The following COL20A1 variants were observed in gnomAD, a reference collection of about 807,000 sequenced individuals.
COL20A1 encodes the protein collagen alpha-1(XX) chain.
A neutral mutation model predicts 152.9 loss-of-function variants in COL20A1; 164 were observed. That is an observed-to-expected ratio of 1.07 (90% CI 0.94 to 1.22). The LOEUF (loss-of-function observed/expected upper bound fraction) is 1.22, where lower values mean the gene tolerates loss of function less well. Among genes scored for constraint, COL20A1 ranks in the 50% most tolerant of loss-of-function variants. The pLI is 0.00. For synonymous variants in COL20A1, 864 were observed against 756.0 expected (o/e 1.14, Z -2.34); for missense variants, 1,873 against 1,744.8 (o/e 1.07, Z -1.31).
At position 63,306,542 on chromosome 20, in the gene COL20A1, A is replaced by T. The variant is rs142536301; in HGVS notation, c.496+503A>T. ...TGGGTCATGCTCCCCCAGGAGTGGG[A>T]TCAGGAGCAGAGCTGGTCCGGGGGC... On this transcript the variant is annotated intron_variant, in intron 5 of 35. Transcript: ENST00000358894. This position sits in a 1 kb window ranked among gnomAD's most constrained non-coding sequence, Gnocchi z 6.9. Among the ~76,000 whole-genome samples, 635 of 152,092 alleles carry T rather than the reference A, an allele frequency of 4.2e-3. 7 individuals carry two copies. Among genetic ancestry groups the T allele is most frequent in the African/African-American group, 0.014 (595 of 41,496 alleles).
chr20:63,321,331 C>T (rs1568785168), intron 26 of COL20A1, among the ~76,000 whole-genome samples: 1 of 152,210 alleles, frequency 6.6e-6, no homozygotes, highest in Non-Finnish European at 1.5e-5. Flanking sequence ...GCGAACCCTC[C>T]TCTAGTGCGG....
At position 63,315,442 on chromosome 20, in the gene COL20A1, G is replaced by T. The variant is rs2123412164; in HGVS notation, c.2524+3G>T. On this transcript the variant is annotated splice_donor_region_variant and intron_variant, in intron 20 of 35. Transcript: ENST00000358894. ...CCGCCCTGACGGCTCCCTCCCAGGTGGGTCCTGCATGCCCTCCCCTGCCTG... is the reference window on the plus strand; with the variant it reads ...CCGCCCTGACGGCTCCCTCCCAGGTTGGTCCTGCATGCCCTCCCCTGCCTG... The T allele has an allele frequency of 6.4e-7, 1 of 1,573,080 alleles. No homozygotes were observed. The highest frequency in any genetic ancestry group is 8.6e-7 in the Non-Finnish European group (1 of 1,164,392).
chr20:63,294,473 C>G (rs975565517), intron 1 of COL20A1, among the ~76,000 whole-genome samples: 2 of 151,996 alleles, frequency 1.3e-5, no homozygotes, highest in Non-Finnish European at 2.9e-5. Flanking sequence ...TTGTAGCCCA[C>G]TCAGCTCTCC....
intron 2 of COL20A1, among the ~76,000 whole-genome samples, chr20:63,296,527 C>T (rs1273071787): frequency 6.6e-6 from 1 of 152,226 alleles, no homozygotes; most frequent in Non-Finnish European, 1.5e-5. Context: ...TGGGTGCGGC[C>T]ACAGTCCAGG....
chr20:63,320,873 CCT>C, intron 25 of COL20A1, 138 bp from the exon 26 acceptor site: 1 of 653,942 alleles, frequency 1.5e-6, no homozygotes, highest in Non-Finnish European at 2.6e-6. Flanking sequence ...CACTTGGGCC[CCT>C]GACCTTCGCC....
chr20:63,320,335 C>G lies in COL20A1; in HGVS notation c.3120C>G (p.Ala1040=). 3 of 1,611,260 alleles carry G rather than the reference C, an allele frequency of 1.9e-6. No individual in the cohort carries two copies. Among genetic ancestry groups the G allele is most frequent in the Non-Finnish European group, 2.5e-6 (3 of 1,179,852 alleles). The change falls in exon 25 of 36, where the codon GCC becomes GCG. Residue 1040 remains alanine (A), a synonymous_variant. Coordinates refer to ENST00000358894, the MANE Select transcript of COL20A1 (RefSeq NM_020882.4). Reference sequence around the variant, plus strand: ...AGATCGTGTGCAGTGACACCTGGGCCGATGAGGACCGGTGCTGTGAGCTCC... The same window carrying G: ...AGATCGTGTGCAGTGACACCTGGGCGGATGAGGACCGGTGCTGTGAGCTCC... ...MLQIVCSDTW[A]DEDRCCELPA...
intron 3 of COL20A1, among the ~76,000 whole-genome samples, chr20:63,300,555 G>A (rs970340318): frequency 1.3e-5 from 2 of 152,146 alleles, no homozygotes; most frequent in Non-Finnish European, 1.5e-5. Flanking sequence ...TTTCATTCCC[G>A]TTATTGATTG....
chr20:63,330,285 CAG>C (rs930224408), intron 35 of COL20A1, among the ~76,000 whole-genome samples: 5 of 152,130 alleles, frequency 3.3e-5, no homozygotes, highest in African/African-American at 1.2e-4. Flanking sequence ...CAAGTAGCTT[CAG>C]GGGCCAGAGC....
In COL20A1 at chr20:63,323,979, A is replaced by G. The variant is rs116435753; in HGVS notation, c.3295-1462A>G. Among the ~76,000 whole-genome samples, 803 of 152,386 alleles carry G rather than the reference A, an allele frequency of 5.3e-3. 12 individuals are homozygous for G. The highest frequency in any genetic ancestry group is 0.018 in the African/African-American group (759 of 41,596). ...TTCATGATGTTGAATCTTCTCATCCAAAAACACAGCCATCCTGCCTTTTGT... is the reference window on the plus strand; with the variant it reads ...TTCATGATGTTGAATCTTCTCATCCGAAAACACAGCCATCCTGCCTTTTGT... On this transcript the variant is annotated intron_variant, in intron 27 of 35. Transcript: ENST00000358894.
At position 63,305,001 on chromosome 20, in the gene COL20A1, G is replaced by A. The variant is rs754971780; in HGVS notation, c.194-416G>A. Among the ~76,000 whole-genome samples the A allele has an allele frequency of 2.4e-4, 36 of 152,120 alleles. No homozygotes were observed. The highest frequency in any genetic ancestry group is 7.2e-4 in the Admixed American group (11 of 15,276). ...CAGCAGAAAATACTTGCGGCTGGTC[G>A]GTCCGTGCAGCCCATAGGGTAGGAG... On this transcript the variant is annotated intron_variant, in intron 3 of 35. Transcript: ENST00000358894. The surrounding 1 kb of genome is among the most constrained non-coding windows in gnomAD (Gnocchi z 4.9).
At chr20:63,295,327 A>G in intron 2 of COL20A1, 138 bp downstream of exon 2, 2 of 623,854 alleles carry the variant, frequency 3.2e-6, no homozygotes, top group Non-Finnish European at 5.7e-6. Flanking sequence ...AGCAGCTCCC[A>G]CAACAAAGGC....
At chr20:63,295,847 G>A (rs2067786453) in intron 2 of COL20A1, among the ~76,000 whole-genome samples, 1 of 152,276 alleles carries the variant, frequency 6.6e-6, no homozygotes, top group Admixed American at 6.5e-5. Context: ...AGGCTCCGGG[G>A]CCTCGGCCAC....
At chr20:63,320,240 G>A in intron 24 of COL20A1, 43 bp downstream of exon 24, 5 of 1,604,024 alleles carry the variant, frequency 3.1e-6, no homozygotes, top group Non-Finnish European at 3.4e-6. Context: ...GCTGGTGGGG[G>A]CTGGCAGCCT....
At chr20:63,321,992 C>T (rs2068171059) in intron 26 of COL20A1, 66 bp from the exon 27 acceptor site, 2 of 1,356,724 alleles carry the variant, frequency 1.5e-6, no homozygotes, top group Non-Finnish European at 2.0e-6. Context: ...GGCTCAGGGG[C>T]TGGTCTTTGC....
At chr20:63,310,246 G>T in intron 10 of COL20A1, 135 bp from the exon 11 acceptor site, 1 of 914,996 alleles carries the variant, frequency 1.1e-6, no homozygotes. Flanking sequence ...TAGGTACAGG[G>T]AGCCCAGGCC....
At position 63,319,455 on chromosome 20, in the gene COL20A1, C is replaced by T. The variant is rs763875307; in HGVS notation, c.2807-32C>T. ...GGTATAGGCCCGGCTGGTTGCAGCCCGTTCTCACCTGCTCCACCCCTTCCC... is the reference window on the plus strand; with the variant it reads ...GGTATAGGCCCGGCTGGTTGCAGCCTGTTCTCACCTGCTCCACCCCTTCCC... On this transcript the variant is annotated intron_variant, in intron 22 of 35. Coordinates refer to ENST00000358894, the MANE Select transcript of COL20A1 (RefSeq NM_020882.4). This position sits in a 1 kb window ranked among gnomAD's most constrained non-coding sequence, Gnocchi z 4.4. The T allele has an allele frequency of 4.2e-5, 62 of 1,493,888 alleles. No homozygotes were observed. Among genetic ancestry groups the T allele is most frequent in the South Asian group, 3.1e-4 (26 of 82,638 alleles). 92.5% of individuals were successfully genotyped at this position (1,493,888 alleles called of 1,614,324 possible).
chr20:63,306,058 AGAGT>A lies in COL20A1; in HGVS notation c.496+20_496+23del. On this transcript the variant is annotated intron_variant, in intron 5 of 35. Coordinates refer to ENST00000358894, the MANE Select transcript of COL20A1 (RefSeq NM_020882.4). This position sits in a 1 kb window ranked among gnomAD's most constrained non-coding sequence, Gnocchi z 6.9. ...ACTCCTGGTGGGTCAGAGTGGAGAGAGAGTAAGTCTCCGGGGAGGGAGTGACCTT... is the reference window on the plus strand; with the variant it reads ...ACTCCTGGTGGGTCAGAGTGGAGAGAAAGTCTCCGGGGAGGGAGTGACCTT... 6.4e-7 allele frequency: 1 copy of A among 1,574,004 alleles called. No homozygotes were observed. The highest frequency in any genetic ancestry group is 8.6e-7 in the Non-Finnish European group (1 of 1,161,876).
rs377608737 is a variant in COL20A1 at position 63,309,557 on chromosome 20, TG to T, written c.1105+66del. 61 of 1,414,904 alleles carry T rather than the reference TG, an allele frequency of 4.3e-5. 1 individual carries two copies. The highest frequency in any genetic ancestry group is 3.6e-4 in the South Asian group (24 of 67,596). 87.6% of individuals were successfully genotyped at this position (1,414,904 alleles called of 1,614,324 possible). A position where few individuals can be genotyped will look rare whatever the true frequency, so the allele number is the denominator to read the frequency against. ...CCCCCGGCTGCTTTGGGCAAAGGGT[TG>T]GGGGGACGCTGTGGCTCCCGTGTGG... On this transcript the variant is annotated intron_variant, in intron 9 of 35. Coordinates refer to ENST00000358894, the MANE Select transcript of COL20A1 (RefSeq NM_020882.4).
At chr20:63,303,500 C>T (rs2123382373) in intron 3 of COL20A1, among the ~76,000 whole-genome samples, 2 of 152,306 alleles carry the variant, frequency 1.3e-5, no homozygotes, top group Middle Eastern at 6.8e-3. Flanking sequence ...GTGATTGGTC[C>T]TTTGTGCCTC....
Sources: allele counts gnomAD v4.1 joint callset (sites outside exome capture counted in the v4.1 genomes callset), GRCh38; gene constraint gnomAD v4.1.1; non-coding constraint Gnocchi (gnomAD v3.1); transcripts MANE v1.5; gene names NCBI Gene and HGNC (gene_info 2026-07-23, HGNC 2026-07-21).